The following IGFL2 variants were observed in gnomAD, a reference collection of about 807,000 sequenced individuals.
IGFL2 encodes IGF like family member 2.
IGFL2 carries 7 observed loss-of-function variants against 13.9 expected under a neutral mutation model. The observed-to-expected ratio is 0.51, with a 90% CI of 0.29 to 0.95. The LOEUF (loss-of-function observed/expected upper bound fraction) is 0.95. IGFL2 is among the 40% of genes least tolerant of loss of function. The pLI is 0.08. For missense variants in IGFL2, 138 were observed against 147.8 expected (o/e 0.93, Z 0.34); for synonymous variants, 55 against 55.8 (o/e 0.99, Z 0.07).
At chr19:46,188,288 T>C in the IGFL2 span, among the ~76,000 whole-genome samples, 4 of 152,118 alleles carry the variant, frequency 2.6e-5, no homozygotes, top group African/African-American at 9.7e-5. Flanking sequence ...GGGCCCAGTG[T>C]GTGTACTGTA....
chr19:46,213,237 G>A, the IGFL2 span: 8,184 of 152,382 alleles, frequency 0.054, 373 homozygotes, highest in East Asian at 0.12. Flanking sequence ...GGACACAGAA[G>A]CGGAGGGTGC....
At chr19:46,137,488 G>T in the IGFL2 span, 3 of 1,151,994 alleles carry the variant, frequency 2.6e-6, no homozygotes, top group African/African-American at 1.5e-5. Flanking sequence ...TGGGCAGGTT[G>T]CCCCTTCTCC....
In IGFL2 at chr19:46,160,758, G is replaced by C. The variant is rs369302567; in HGVS notation, c.218G>C (p.Trp73Ser). ...TRQCGPPCTF[W>S]PCFELCCLDS... ...CAATGTGGTCCCCCCTGCACCTTCT[G>C]GCCCTGCTTTGAGCTCTGCTGTCTT... Residue 73 changes from tryptophan to serine, a missense_variant, in exon 3 of 4, where the codon TGG (tryptophan) becomes TCG (serine). Transcript: ENST00000377693. 1.2e-5 allele frequency: 20 copies of C among 1,614,160 alleles called. No homozygotes were observed. In the African/African-American group the frequency reaches 2.3e-4, roughly 18 times the overall value.
intron 1 of IGFL2, among the ~76,000 whole-genome samples, chr19:46,157,697 A>T (rs10424004): frequency 0.029 from 4,441 of 152,298 alleles, 197 homozygotes; most frequent in African/African-American, 0.097. Flanking sequence ...GAAAAAGTGA[A>T]TGCTTTCCAC....
At chr19:46,142,727 C>T (rs142475001), upstream of IGFL2, among the ~76,000 whole-genome samples, 488 of 152,346 alleles carry the variant, frequency 3.2e-3, 1 homozygote, top group African/African-American at 0.011. Flanking sequence ...AGATACTGCT[C>T]TGTATGTACA....
the IGFL2 span, chr19:46,195,902 C>G: frequency 6.6e-6 from 1 of 152,378 alleles, no homozygotes. Flanking sequence ...CTCACAGGGT[C>G]AGCTGTAACA....
At chr19:46,191,929 C>A in the IGFL2 span, among the ~76,000 whole-genome samples, 2 of 152,178 alleles carry the variant, frequency 1.3e-5, no homozygotes, top group East Asian at 3.9e-4. Flanking sequence ...ATTTTTGATT[C>A]ATACTTTTCT....
At chr19:46,163,958 A>G (rs939437232), downstream of IGFL2, 1 of 152,308 alleles carries the variant, frequency 6.6e-6, no homozygotes, top group African/African-American at 2.4e-5. Flanking sequence ...TGCCAATGCA[A>G]AGGCACCTGT....
the IGFL2 span, among the ~76,000 whole-genome samples, chr19:46,116,001 T>G: frequency 6.6e-6 from 1 of 152,174 alleles, no homozygotes; most frequent in African/African-American, 2.4e-5. Context: ...TCTTGGTGAC[T>G]GATGATGGGT....
the IGFL2 span, among the ~76,000 whole-genome samples, chr19:46,088,537 C>G: frequency 6.6e-6 from 1 of 152,334 alleles, no homozygotes; most frequent in Non-Finnish European, 1.5e-5. Context: ...ACTTGGCTAA[C>G]TGCTAACCAG....
the IGFL2 span, among the ~76,000 whole-genome samples, chr19:46,198,761 T>C: frequency 6.6e-6 from 1 of 152,164 alleles, no homozygotes; most frequent in African/African-American, 2.4e-5. Context: ...GTGACACAGC[T>C]TCCTCATCAG....
At chr19:46,120,796 AAG>A in the IGFL2 span, among the ~76,000 whole-genome samples, 12 of 150,870 alleles carry the variant, frequency 8.0e-5, 2 homozygotes, top group Non-Finnish European at 1.6e-4. Flanking sequence ...CAAAACTATT[AAG>A]AGAGTAAATT....
the IGFL2 span, chr19:46,113,391 C>A: frequency 5.2e-6 from 2 of 387,442 alleles, no homozygotes; most frequent in South Asian, 3.9e-5. Flanking sequence ...AGGAAAGGAT[C>A]AATCATGGGG....
At chr19:46,105,967 A>G in the IGFL2 span, among the ~76,000 whole-genome samples, 1 of 152,206 alleles carries the variant, frequency 6.6e-6, no homozygotes, top group East Asian at 1.9e-4. Context: ...GGAAAGGGGA[A>G]TGGGGAAAGG....
intron 1 of IGFL2, among the ~76,000 whole-genome samples, chr19:46,158,298 T>C (rs1161408584): frequency 6.6e-6 from 1 of 152,104 alleles, no homozygotes; most frequent in Non-Finnish European, 1.5e-5. Context: ...AACCTCCGCC[T>C]CCCGGGTTCA....
chr19:46,173,054 A>G, the IGFL2 span, among the ~76,000 whole-genome samples: 285 of 152,376 alleles, frequency 1.9e-3, 1 homozygote, highest in Middle Eastern at 3.4e-3. Context: ...TATCTCTTCC[A>G]TAGAGAAGAT....
chr19:46,215,326 T>A, the IGFL2 span, among the ~76,000 whole-genome samples: 1 of 152,210 alleles, frequency 6.6e-6, no homozygotes, highest in Non-Finnish European at 1.5e-5. Context: ...ACTTTAAGTC[T>A]TGTAATTTTT....
chr19:46,194,833 T>C, the IGFL2 span, among the ~76,000 whole-genome samples: 24 of 30,950 alleles, frequency 7.8e-4, no homozygotes, highest in African/African-American at 2.5e-3. Context: ...CCTCATTTTA[T>C]ATATATATAT....
the IGFL2 span, among the ~76,000 whole-genome samples, chr19:46,080,148 T>C: frequency 2.0e-5 from 3 of 152,176 alleles, no homozygotes. Flanking sequence ...TTTAAATGAG[T>C]CACGGGCAGA....
Sources: gnomAD v4.1 joint callset for allele counts (sites outside exome capture counted in the v4.1 genomes callset) on GRCh38, gnomAD v4.1.1 for gene constraint, MANE v1.5 for transcripts, NCBI Gene and HGNC (gene_info 2026-07-23, HGNC 2026-07-21) for gene names.